Variants in GABRA5 observed in about 807,000 individuals in gnomAD.
GABRA5 encodes gamma-aminobutyric acid type A receptor subunit alpha5.
GABRA5 carries 18 observed loss-of-function variants against 47.3 expected under a neutral mutation model. The ratio of observed to expected loss-of-function variants is 0.38; its 90% CI spans 0.26 to 0.56. The LOEUF (loss-of-function observed/expected upper bound fraction) is 0.56, where lower values mean the gene tolerates loss of function less well. Among genes scored for constraint, GABRA5 ranks in the 20% least tolerant of loss-of-function variants. The pLI is 0.71. For missense variants in GABRA5, 365 were observed against 599.3 expected (o/e 0.61, Z 4.08); for synonymous variants, 237 against 229.3 (o/e 1.03, Z -0.30).
Position 26,914,919 on chromosome 15 carries a change from T to C in GABRA5, c.580+34T>C. ...TTTTCACAAGTAAGAGCCTTGGACA[T>C]ATACTTTGGGGATCAATTCCACATT... On this transcript the variant is annotated intron_variant, in intron 7 of 10. Transcript: ENST00000335625. 1.9e-6 allele frequency: 3 copies of C among 1,546,228 alleles called. No individual in the cohort carries two copies. The South Asian group carries it at 3.3e-5, about 17-fold the overall frequency.
chr15:26,895,812 C>CAAA (rs376170037), intron 6 of GABRA5, among the ~76,000 whole-genome samples: 1 of 123,276 alleles, frequency 8.1e-6, no homozygotes, highest in African/African-American at 3.6e-5. Flanking sequence ...AAGACTCCGT[C>CAAA]AAAAAAAAAA....
intron 6 of GABRA5, among the ~76,000 whole-genome samples, chr15:26,903,787 G>A (rs12915727): frequency 0.53 from 80,010 of 151,400 alleles, 21,210 homozygotes; most frequent in South Asian, 0.62. Context: ...TGCTTTGCTC[G>A]CTTTTTAACA....
At chr15:26,926,442 A>G (rs11637447) in intron 7 of GABRA5, among the ~76,000 whole-genome samples, 64,964 of 151,986 alleles carry the variant, frequency 0.43, 14,166 homozygotes, top group Middle Eastern at 0.61. Context: ...TTTTCAAACT[A>G]TGATCTTTAG....
intron 6 of GABRA5, among the ~76,000 whole-genome samples, chr15:26,893,166 T>TATG (rs1187850661): frequency 4.0e-5 from 4 of 101,036 alleles, no homozygotes; most frequent in Admixed American, 1.0e-4. Context: ...GTGTGTGGGG[T>TATG]GTGTATGTGG....
intron 6 of GABRA5, among the ~76,000 whole-genome samples, chr15:26,899,423 A>G (rs1403939051): frequency 6.6e-6 from 1 of 152,114 alleles, no homozygotes; most frequent in Non-Finnish European, 1.5e-5. Context: ...CTTTTGTTGG[A>G]TAGAGTGTTC....
intron 7 of GABRA5, among the ~76,000 whole-genome samples, chr15:26,929,498 C>T (rs1176546918): frequency 2.0e-5 from 3 of 152,182 alleles, no homozygotes; most frequent in African/African-American, 2.4e-5. Flanking sequence ...GGGATTGGGC[C>T]GCATGACTTT....
At chr15:26,895,826 A>AAAAAAAAAAAAAAAAAAGAAG (rs1458730535) in intron 6 of GABRA5, among the ~76,000 whole-genome samples, 1 of 136,018 alleles carries the variant, frequency 7.4e-6, no homozygotes, top group African/African-American at 2.9e-5. Context: ...AAAAAAAAAA[A>AAAAAAAAAAAAAAAAAAGAAG]AAGAAGAAGA....
intron 7 of GABRA5, among the ~76,000 whole-genome samples, chr15:26,927,192 C>T (rs1893980867): frequency 1.3e-5 from 2 of 152,046 alleles, no homozygotes; most frequent in South Asian, 4.1e-4. Context: ...CAACCTCCCC[C>T]TCCCGGGTTC....
At chr15:26,897,851 G>C (rs1893237000) in intron 6 of GABRA5, among the ~76,000 whole-genome samples, 1 of 152,090 alleles carries the variant, frequency 6.6e-6, no homozygotes, top group Non-Finnish European at 1.5e-5. Context: ...GGATGCAACT[G>C]ACCCACGGAG....
intron 3 of GABRA5, among the ~76,000 whole-genome samples, chr15:26,874,044 C>G (rs898731213): frequency 6.6e-6 from 1 of 152,208 alleles, no homozygotes. Flanking sequence ...CGCAGCTCTC[C>G]GCCAAGACTG....
chr15:26,906,572 C>T (rs1464735129), intron 6 of GABRA5, among the ~76,000 whole-genome samples: 1 of 152,178 alleles, frequency 6.6e-6, no homozygotes, highest in Non-Finnish European at 1.5e-5. Context: ...GTATACCTTT[C>T]CTCAGCCTCT....
At chr15:26,918,411 A>G (rs1391677187) in intron 7 of GABRA5, among the ~76,000 whole-genome samples, 1 of 152,144 alleles carries the variant, frequency 6.6e-6, no homozygotes, top group Admixed American at 6.6e-5. Context: ...TAAAATGTGA[A>G]TGTTCTGTAT....
At chr15:26,892,358 G>C (rs1266981030) in intron 6 of GABRA5, among the ~76,000 whole-genome samples, 1 of 152,084 alleles carries the variant, frequency 6.6e-6, no homozygotes, top group Non-Finnish European at 1.5e-5. Context: ...CCAGCCCCGG[G>C]GAAATGCAGC....
At chr15:26,882,747 C>T (rs1205544777) in intron 4 of GABRA5, among the ~76,000 whole-genome samples, 2 of 152,168 alleles carry the variant, frequency 1.3e-5, no homozygotes, top group East Asian at 3.9e-4. Context: ...CAGCTCCCCT[C>T]ATCCTGAATT....
intron 3 of GABRA5, among the ~76,000 whole-genome samples, chr15:26,878,830 A>G (rs992836905): frequency 2.0e-5 from 3 of 152,270 alleles, no homozygotes; most frequent in African/African-American, 4.8e-5. Context: ...ATAGCATTCT[A>G]TTCCGTCACT....
At chr15:26,882,050 T>A (rs1020644860) in intron 4 of GABRA5, among the ~76,000 whole-genome samples, 3 of 152,172 alleles carry the variant, frequency 2.0e-5, no homozygotes, top group Admixed American at 1.3e-4. Context: ...GAGTTGCCAC[T>A]CTCTGCCTTT....
chr15:26,912,221 T>A lies in GABRA5; in HGVS notation c.498-2582T>A, dbSNP rs187356921. Among the ~76,000 whole-genome samples the A allele has an allele frequency of 9.2e-5, 14 of 152,350 alleles. No homozygotes were observed. The East Asian group carries it at 2.7e-3, about 29-fold the overall frequency. The stretch of plus-strand genomic sequence containing the variant: ...TTCACATTTATTGCTATGGATCTAA[T>A]CTTACAGCTTTGTATATACTTCCTA... On this transcript the variant is annotated intron_variant, in intron 6 of 10. Transcript: ENST00000335625.
Position 26,872,043 on chromosome 15 carries a change from G to C in GABRA5, c.86+2709G>C, listed in dbSNP as rs1488300880. The stretch of plus-strand genomic sequence containing the variant: ...GCGGGAAGCCAGGTTCACACATTCT[G>C]GCCAGCAGGGCATGTTTTTCAACAG... On this transcript the variant is annotated intron_variant, in intron 3 of 10. Transcript: ENST00000335625. Among the ~76,000 whole-genome samples the C allele has an allele frequency of 2.6e-5, 4 of 152,222 alleles. No homozygotes were observed. The East Asian group carries it at 7.7e-4, about 29-fold the overall frequency.
intron 6 of GABRA5, among the ~76,000 whole-genome samples, chr15:26,892,372 G>A (rs1335674832): frequency 1.3e-5 from 2 of 152,196 alleles, no homozygotes; most frequent in Non-Finnish European, 2.9e-5. Flanking sequence ...ATGCAGCCCC[G>A]TGGCAGCCCC....
Sources: allele counts gnomAD v4.1 joint callset (sites outside exome capture counted in the v4.1 genomes callset), GRCh38; gene constraint gnomAD v4.1.1; transcripts MANE v1.5; gene names NCBI Gene and HGNC (gene_info 2026-07-23, HGNC 2026-07-21).